RAD51AP1: variants seen among roughly 807,000 people sequenced by gnomAD.
The protein encoded by RAD51AP1 is RAD51-associated protein 1.
RAD51AP1 carries 14 observed loss-of-function variants against 34.3 expected under a neutral mutation model. The observed-to-expected ratio is 0.41, with a 90% CI of 0.27 to 0.64. RAD51AP1 has a LOEUF of 0.64. Ranked by LOEUF, RAD51AP1 falls within the 30% of genes least tolerant of loss-of-function variation. RAD51AP1 has a pLI of 0.33. For missense variants in RAD51AP1, 348 were observed against 386.9 expected (o/e 0.90, Z 0.84); for synonymous variants, 114 against 129.8 (o/e 0.88, Z 0.83).
chr12:4,545,949 A>G (rs1944503145), intron 3 of RAD51AP1: 2 of 1,211,420 alleles, frequency 1.7e-6, no homozygotes, highest in African/African-American at 1.5e-5. Flanking sequence ...GGAGTGGGTG[A>G]GGTCAAGGAA....
chr12:4,545,338 C>A (rs1333881142), intron 3 of RAD51AP1: 3 of 364,286 alleles, frequency 8.2e-6, no homozygotes, highest in Non-Finnish European at 1.6e-5. Flanking sequence ...ATTTCATTTG[C>A]ATGAAATGTC....
rs1944519436 is a variant in RAD51AP1, at chr12:4,548,116, A to G, written c.344A>G (p.Lys115Arg). 2 of 1,601,218 alleles carry G rather than the reference A, an allele frequency of 1.2e-6. No homozygotes were observed. Among genetic ancestry groups the G allele is most frequent in the Admixed American group, 1.8e-5 (1 of 57,126 alleles). Residue 115 changes from lysine to arginine, a missense_variant, in exon 5 of 9, where the codon AAA (lysine) becomes AGA (arginine). By Grantham distance (26) the Lys-to-Arg change is conservative. Transcript: ENST00000352618. ...DKSIEKHGSS[K>R]IETMNKSPHI... Reference sequence around the variant, plus strand: ...GGCATTGAAAAACATGGCAGTAGTAAAATAGAAACAATGAATAAGTCTCCT... The same window carrying G: ...GGCATTGAAAAACATGGCAGTAGTAGAATAGAAACAATGAATAAGTCTCCT...
At position 4,559,240 on chromosome 12, in the gene RAD51AP1, A is replaced by G. The variant is rs1327995630; in HGVS notation, c.*247A>G. ...TGTGAAGAGCGTATTCTGTTTTTCT[A>G]TCAGTTCGACATGAAGTCCACATCA... On this transcript the variant is annotated 3_prime_UTR_variant, in exon 9 of 9. Transcript: ENST00000352618. The G allele has an allele frequency of 1.4e-5, 5 of 364,736 alleles. No individual in the cohort carries two copies. Among genetic ancestry groups the G allele is most frequent in the African/African-American group, 6.3e-5 (3 of 47,362 alleles). The allele number at this position is 364,736 out of a possible 1,614,324, so 22.6% of individuals were successfully genotyped here.
intron 3 of RAD51AP1, among the ~76,000 whole-genome samples, chr12:4,544,118 C>T (rs1330658958): frequency 6.6e-6 from 1 of 152,032 alleles, no homozygotes; most frequent in Admixed American, 6.6e-5. Flanking sequence ...AATATTAAGA[C>T]AATAATGATT....
intron 1 of RAD51AP1, among the ~76,000 whole-genome samples, chr12:4,540,485 A>T (rs1322280331): frequency 6.6e-6 from 1 of 152,070 alleles, no homozygotes; most frequent in Non-Finnish European, 1.5e-5. Context: ...GCACCTCAGA[A>T]CAATTAAGGC....
chr12:4,557,812 C>T (rs1944592866), intron 8 of RAD51AP1, among the ~76,000 whole-genome samples: 2 of 152,096 alleles, frequency 1.3e-5, no homozygotes, highest in South Asian at 4.1e-4. Context: ...TTTTGTTGGA[C>T]TCAGGAGCGC....
In RAD51AP1 at chr12:4,559,498, T is replaced by C. The variant is rs954387204; in HGVS notation, c.*505T>C. 3 of 152,298 alleles carry C rather than the reference T, an allele frequency of 2.0e-5. No homozygotes were observed. The highest frequency in any genetic ancestry group is 2.9e-5 in the Non-Finnish European group (2 of 68,078). The allele number at this position is 152,298 out of a possible 1,614,324, so 9.4% of individuals were successfully genotyped here. ...ACAAACTTAGAATTATTTTACACAC[T>C]AAAATGGTTGCAGTTTTATGGCATA... On this transcript the variant is annotated 3_prime_UTR_variant, in exon 9 of 9. Coordinates refer to ENST00000352618, the MANE Select transcript of RAD51AP1 (RefSeq NM_006479.5).
chr12:4,545,265 G>C (rs1944497954), intron 3 of RAD51AP1: 1 of 442,254 alleles, frequency 2.3e-6, no homozygotes, highest in South Asian at 1.6e-5. Flanking sequence ...CTGCAATATG[G>C]ATGAACCTTG....
chr12:4,556,393 A>G lies in RAD51AP1; in HGVS notation c.762A>G (p.Glu254=). 6.2e-7 allele frequency: 1 copy of G among 1,613,816 alleles called. No individual in the cohort carries two copies. The highest frequency in any genetic ancestry group is 8.5e-7 in the Non-Finnish European group (1 of 1,179,758). The change falls in exon 8 of 9, where the codon GAA becomes GAG. Residue 254 remains glutamate (E), a synonymous_variant. Coordinates refer to ENST00000352618, the MANE Select transcript of RAD51AP1 (RefSeq NM_006479.5). The part of the protein sequence containing the change: ...VDSAPAAVKS[E]SQSLPKKVSL... The stretch of plus-strand genomic sequence containing the variant: ...CTGCTCCAGCTGCCGTCAAATCAGA[A>G]TCTCAGTCCTTGCCAAAAAAGGTTT...
intron 8 of RAD51AP1, among the ~76,000 whole-genome samples, chr12:4,557,368 C>T (rs941122004): frequency 5.3e-5 from 8 of 152,076 alleles, no homozygotes; most frequent in Non-Finnish European, 1.2e-4. Context: ...TAGATTTAGG[C>T]GTGAGCTGTG....
At chr12:4,539,905 A>C (rs1056385535) in intron 1 of RAD51AP1, among the ~76,000 whole-genome samples, 3 of 152,190 alleles carry the variant, frequency 2.0e-5, no homozygotes, top group Non-Finnish European at 2.9e-5. Context: ...AGAGGAATCT[A>C]AGTTTGCTTT....
rs759904187 is a variant in RAD51AP1, at chr12:4,556,482, A to T, written c.851A>T (p.Lys284Ile). ...CGCAGTCCTTCAGCTGAAAGCAAGAAACCTAAATGGGTCCCACCAGGTATG... is the reference window on the plus strand; with the variant it reads ...CGCAGTCCTTCAGCTGAAAGCAAGATACCTAAATGGGTCCCACCAGGTATG... ...EIRSPSAESK[K>I]PKWVPPAASG... is the part of the protein sequence containing the mutation. The change falls in exon 8 of 9, where the codon AAA becomes ATA. Residue 284 changes from lysine to isoleucine, a missense_variant. Lys to Ile is a moderately radical substitution (Grantham distance 102). Coordinates refer to ENST00000352618, the MANE Select transcript of RAD51AP1 (RefSeq NM_006479.5). 1 of 1,613,674 alleles carries T rather than the reference A, an allele frequency of 6.2e-7. No individual in the cohort carries two copies. Among genetic ancestry groups the T allele is most frequent in the African/African-American group, 1.3e-5 (1 of 74,924 alleles).
At chr12:4,545,945 G>T in intron 3 of RAD51AP1, 1 of 1,284,988 alleles carries the variant, frequency 7.8e-7, no homozygotes, top group Admixed American at 2.0e-5. Flanking sequence ...AAGGGGAGTG[G>T]GTGAGGTCAA....
chr12:4,546,284 A>G (rs1241905251), intron 3 of RAD51AP1, 25 bp from the exon 4 acceptor site: 2 of 1,475,656 alleles, frequency 1.4e-6, no homozygotes, highest in Admixed American at 1.9e-5. Flanking sequence ...TGAAGAACTC[A>G]TTATTACTTG....
intron 6 of RAD51AP1, among the ~76,000 whole-genome samples, chr12:4,551,453 C>T (rs377607747): frequency 1.2e-4 from 18 of 148,928 alleles, no homozygotes; most frequent in African/African-American, 4.5e-4. Flanking sequence ...CAGGATTGTG[C>T]CACTGCACTC....
chr12:4,541,973 A>T, intron 2 of RAD51AP1, 40 bp downstream of exon 2: 2 of 1,348,718 alleles, frequency 1.5e-6, no homozygotes. Flanking sequence ...AGATTTGGAA[A>T]CTCATTTCCT....
intron 8 of RAD51AP1, among the ~76,000 whole-genome samples, chr12:4,557,755 G>A (rs905520653): frequency 6.6e-6 from 1 of 152,188 alleles, no homozygotes; most frequent in African/African-American, 2.4e-5. Context: ...GGCAAGTGAT[G>A]TAAACGAGTG....
chr12:4,553,034 A>C lies in RAD51AP1; in HGVS notation c.608A>C (p.Glu203Ala). ...TTTTGTGAGAGTGAGGATAATGACG[A>C]AGACTTCTCTATGAGAAAAAGTAAA... ...SDFCESEDND[E>A]DFSMRKSKVK... Residue 203 changes from glutamate (E) to alanine (A), a missense_variant, in exon 7 of 9, where the codon GAA becomes GCA. By Grantham distance (107) the Glu-to-Ala change is moderately radical. Coordinates refer to ENST00000352618, the MANE Select transcript of RAD51AP1 (RefSeq NM_006479.5). The C allele has an allele frequency of 6.2e-7, 1 of 1,605,848 alleles. No homozygotes were observed. Among genetic ancestry groups the C allele is most frequent in the African/African-American group, 1.4e-5 (1 of 73,822 alleles).
At position 4,556,435 on chromosome 12, in the gene RAD51AP1, C is replaced by T; in HGVS notation, c.804C>T (p.Thr268=). The change falls in exon 8 of 9, where the codon ACC becomes ACT. Residue 268 remains threonine, a synonymous_variant. Coordinates refer to ENST00000352618, the MANE Select transcript of RAD51AP1 (RefSeq NM_006479.5). Reference sequence around the variant, plus strand: ...AAAAGGTTTCTCTGTCTTCAGATACCACTAGGAAACCATTAGAAATACGCA... The same window carrying T: ...AAAAGGTTTCTCTGTCTTCAGATACTACTAGGAAACCATTAGAAATACGCA... The part of the protein sequence containing the change: ...LPKKVSLSSD[T]TRKPLEIRSP... 9 of 1,613,504 alleles carry T rather than the reference C, an allele frequency of 5.6e-6. No homozygotes were observed. Among genetic ancestry groups the T allele is most frequent in the Non-Finnish European group, 7.6e-6 (9 of 1,179,462 alleles).
Sources: allele counts gnomAD v4.1 joint callset (sites outside exome capture counted in the v4.1 genomes callset), GRCh38; gene constraint gnomAD v4.1.1; transcripts MANE v1.5; gene names NCBI Gene and HGNC (gene_info 2026-07-23, HGNC 2026-07-21).